The following ATP9B variants were observed in gnomAD, a reference collection of about 807,000 sequenced individuals.
ATP9B encodes ATPase phospholipid transporting 9B.
In ATP9B, 110 loss-of-function variants were observed where a neutral mutation model predicts 146.1. The observed-to-expected ratio is 0.75, with a 90% CI of 0.65 to 0.88. The LOEUF (loss-of-function observed/expected upper bound fraction) is 0.88. Ranked by LOEUF, ATP9B falls within the 40% of genes least tolerant of loss-of-function variation. The probability of loss-of-function intolerance (pLI) is 0.00; values close to 1 mark genes in which losing one functional copy is unlikely to be tolerated. For missense variants in ATP9B, 1,499 were observed against 1,496.4 expected, an observed-to-expected ratio of 1.00 and a Z score of -0.03; for synonymous variants, 604 against 569.7, an observed-to-expected ratio of 1.06 and a Z score of -0.86.
At chr18:79,343,802 G>C in intron 20 of ATP9B, 1 of 228,130 alleles carries the variant, frequency 4.4e-6, no homozygotes, top group South Asian at 6.0e-5. Context: ...TCTCAGCAGC[G>C]CTGCTCCCCA....
At chr18:79,103,475 CTG>C (rs767695051) in intron 2 of ATP9B, among the ~76,000 whole-genome samples, 1 of 151,772 alleles carries the variant, frequency 6.6e-6, no homozygotes, top group Non-Finnish European at 1.5e-5. Context: ...TGGTATACCT[CTG>C]TGAAGAATAA....
intron 13 of ATP9B, among the ~76,000 whole-genome samples, chr18:79,281,119 A>T (rs191432256): frequency 3.5e-4 from 53 of 152,336 alleles, no homozygotes; most frequent in African/African-American, 1.0e-3. Flanking sequence ...ACTTGATAAA[A>T]CCATCAATGA....
At chr18:79,148,632 T>C (rs758900280) in intron 6 of ATP9B, among the ~76,000 whole-genome samples, 22 of 152,202 alleles carry the variant, frequency 1.4e-4, no homozygotes, top group Non-Finnish European at 1.0e-4. Flanking sequence ...CTTAATGGTG[T>C]AAGACTGAAT....
chr18:79,111,182 A>G (rs887817172), intron 3 of ATP9B, among the ~76,000 whole-genome samples: 1 of 152,188 alleles, frequency 6.6e-6, no homozygotes, highest in African/African-American at 2.4e-5. Context: ...TGTGTTTTGT[A>G]TGTCATTCCT....
intron 7 of ATP9B, among the ~76,000 whole-genome samples, chr18:79,173,929 G>C (rs146542525): frequency 6.6e-6 from 1 of 152,114 alleles, no homozygotes; most frequent in Non-Finnish European, 1.5e-5. Context: ...TGCACCTGTT[G>C]GCATTTATGG....
At chr18:79,101,406 T>G (rs1417571126) in intron 2 of ATP9B, among the ~76,000 whole-genome samples, 2 of 152,238 alleles carry the variant, frequency 1.3e-5, no homozygotes, top group Non-Finnish European at 2.9e-5. Flanking sequence ...TCATTCAACA[T>G]AATGCTGTGA....
intron 25 of ATP9B, among the ~76,000 whole-genome samples, chr18:79,350,337 GT>G (rs1455429460): frequency 1.3e-5 from 2 of 152,252 alleles, no homozygotes; most frequent in Non-Finnish European, 2.9e-5. Context: ...AAGTGCCTCT[GT>G]TTTAGGCCCC....
Position 79,187,028 on chromosome 18 carries a change from G to C in ATP9B, c.874-6155G>C, listed in dbSNP as rs1303251974. 2.6e-5 allele frequency among the ~76,000 whole-genome samples: 4 copies of C among 152,212 alleles called. No homozygotes were observed. The East Asian group carries it at 7.7e-4, about 29-fold the overall frequency. ...TAGGGCTTGGGTGGGAGTGCACTAT[G>C]TGCATGGTGGTCTCCAAACCACGTG... On this transcript the variant is annotated intron_variant, in intron 8 of 29. Transcript: ENST00000426216.
chr18:79,073,631 C>T lies in ATP9B; in HGVS notation c.119+4102C>T, dbSNP rs191466845. On this transcript the variant is annotated intron_variant, in intron 1 of 29. Coordinates refer to ENST00000426216, the MANE Select transcript of ATP9B (RefSeq NM_198531.5). ...GACCGTGGAAAGCGGGAGACGGAGACGAGGGAGGGGGGAGACCGTGGAAAG... is the reference window on the plus strand; with the variant it reads ...GACCGTGGAAAGCGGGAGACGGAGATGAGGGAGGGGGGAGACCGTGGAAAG... Among the ~76,000 whole-genome samples the T allele has an allele frequency of 3.5e-3, 528 of 151,976 alleles. 4 individuals are homozygous for T. The highest frequency in any genetic ancestry group is 0.012 in the African/African-American group (495 of 41,424).
At position 79,220,351 on chromosome 18, in the gene ATP9B, A is replaced by G. The variant is rs115231700; in HGVS notation, c.1107+6313A>G. Among the ~76,000 whole-genome samples, 1,220 of 152,250 alleles carry G rather than the reference A, an allele frequency of 8.0e-3. 16 individuals are homozygous for G. The highest frequency in any genetic ancestry group is 0.028 in the African/African-American group (1,167 of 41,548). ...TGCAGTGGCTCACTCCTGTAATCCT[A>G]ACATTTAGGGAGGCTGAGGCGGCCG... is the stretch of plus-strand genomic sequence containing the variant. On this transcript the variant is annotated intron_variant, in intron 11 of 29. Transcript: ENST00000426216.
intron 13 of ATP9B, among the ~76,000 whole-genome samples, chr18:79,295,512 A>T (rs746325494): frequency 6.6e-6 from 1 of 152,164 alleles, no homozygotes; most frequent in Non-Finnish European, 1.5e-5. Flanking sequence ...TTAAAGAATA[A>T]TTTTCACACA....
chr18:79,209,677 G>A (rs1440128806), intron 10 of ATP9B: 1 of 985,286 alleles, frequency 1.0e-6, no homozygotes, highest in Non-Finnish European at 1.2e-6. Flanking sequence ...TTCCTAGTGG[G>A]CATGAAGACG....
chr18:79,231,803 T>TAC (rs1555777826), intron 11 of ATP9B, among the ~76,000 whole-genome samples: 37,796 of 114,480 alleles, frequency 0.33, 6,937 homozygotes, highest in Middle Eastern at 0.44. Context: ...TATATATATA[T>TAC]ACACACACAC....
chr18:79,088,209 G>A (rs147595870), intron 1 of ATP9B, among the ~76,000 whole-genome samples: 56 of 152,306 alleles, frequency 3.7e-4, no homozygotes, highest in African/African-American at 1.3e-3. Flanking sequence ...GTTGTGCTGC[G>A]TTTCCCGCAT....
intron 4 of ATP9B, among the ~76,000 whole-genome samples, chr18:79,119,602 CA>C (rs2147109439): frequency 6.6e-6 from 1 of 152,266 alleles, no homozygotes; most frequent in Admixed American, 6.5e-5. Flanking sequence ...AGTGAAAAGC[CA>C]CTTTTTCCAT....
intron 19 of ATP9B, among the ~76,000 whole-genome samples, chr18:79,338,864 A>G (rs572340459): frequency 2.0e-5 from 3 of 152,376 alleles, no homozygotes; most frequent in African/African-American, 7.2e-5. Context: ...GAAAAGCTGC[A>G]TAGCTAGACT....
At chr18:79,195,675 G>T (rs1002628498) in intron 9 of ATP9B, among the ~76,000 whole-genome samples, 1 of 152,148 alleles carries the variant, frequency 6.6e-6, no homozygotes, top group Non-Finnish European at 1.5e-5. Flanking sequence ...ACAGGATAAC[G>T]TGAATGAGAA....
At chr18:79,341,899 T>C (rs1014380252) in intron 19 of ATP9B, among the ~76,000 whole-genome samples, 1 of 152,234 alleles carries the variant, frequency 6.6e-6, no homozygotes, top group African/African-American at 2.4e-5. Flanking sequence ...AAACGGAAAC[T>C]GTCCATCTCC....
intron 15 of ATP9B, among the ~76,000 whole-genome samples, chr18:79,312,406 G>A (rs553299051): frequency 1.3e-5 from 2 of 152,320 alleles, no homozygotes; most frequent in East Asian, 3.9e-4. Flanking sequence ...CCTGGCACTC[G>A]CTCGTTTGCT....
Sources: allele counts gnomAD v4.1 joint callset (sites outside exome capture counted in the v4.1 genomes callset), GRCh38; gene constraint gnomAD v4.1.1; transcripts MANE v1.5; gene names NCBI Gene and HGNC (gene_info 2026-07-23, HGNC 2026-07-21).